Variants in TMPRSS15 observed in about 807,000 individuals in gnomAD.
The protein encoded by TMPRSS15 is transmembrane serine protease 15, also known as enteropeptidase.
TMPRSS15 carries 128 observed loss-of-function variants against 125.3 expected under a neutral mutation model. That is an observed-to-expected ratio of 1.02 (90% CI 0.89 to 1.18). TMPRSS15 has a LOEUF of 1.18. Ranked by LOEUF, TMPRSS15 falls within the 50% of genes most tolerant of loss-of-function variation. The pLI, the probability that TMPRSS15 is intolerant of heterozygous loss-of-function variation, is 0.00. For synonymous variants in TMPRSS15, 446 were observed against 423.2 expected (o/e 1.05, Z -0.66); for missense variants, 1,283 against 1,212.7 (o/e 1.06, Z -0.86).
At chr21:18,396,277 G>C (rs969484196) in intron 3 of TMPRSS15, among the ~76,000 whole-genome samples, 9 of 152,108 alleles carry the variant, frequency 5.9e-5, no homozygotes, top group Admixed American at 2.0e-4. Context: ...GTTATATTCT[G>C]TGGGCTCTGC....
At chr21:18,482,625 T>C (rs750655225) in intron 1 of TMPRSS15, among the ~76,000 whole-genome samples, 43 of 151,514 alleles carry the variant, frequency 2.8e-4, no homozygotes, top group Non-Finnish European at 5.8e-4. Flanking sequence ...TTCCTTCAAT[T>C]TTTTTTGTAA....
Position 18,344,080 on chromosome 21 carries a change from A to T in TMPRSS15, c.1172-20T>A. Reference sequence around the variant, plus strand: ...AAAATCCTGTAAAAATATCAAAAAAAATTTATTTCACTTAAATATTGCATT... The same window carrying T: ...AAAATCCTGTAAAAATATCAAAAAATATTTATTTCACTTAAATATTGCATT... On this transcript the variant is annotated intron_variant, in intron 10 of 24. Coordinates refer to ENST00000284885, the MANE Select transcript of TMPRSS15 (RefSeq NM_002772.3). 6.3e-7 allele frequency: 1 copy of T among 1,590,146 alleles called. No homozygotes were observed. The highest frequency in any genetic ancestry group is 8.6e-7 in the Non-Finnish European group (1 of 1,159,572).
Position 18,343,640 on chromosome 21 carries a change from C to T in TMPRSS15, c.1294G>A (p.Glu432Lys), listed in dbSNP as rs898893322. ...TTAATGCTTAATTTATGGACATTTT[C>T]ACCATACATATGATACCTAGTTTGG... ...CLSFWYHMYG[E>K]NVHKLSINIS... The change falls in exon 12 of 25, where the codon GAA becomes AAA. Residue 432 changes from glutamate (E) to lysine (K), a missense_variant. By Grantham distance (56) the Glu-to-Lys change is moderately conservative. Coordinates refer to ENST00000284885, the MANE Select transcript of TMPRSS15 (RefSeq NM_002772.3). 3 of 1,613,492 alleles carry T rather than the reference C, an allele frequency of 1.9e-6. No homozygotes were observed. Among genetic ancestry groups the T allele is most frequent in the Admixed American group, 1.7e-5 (1 of 59,998 alleles).
chr21:18,302,248 T>C (rs2074980648), intron 18 of TMPRSS15, among the ~76,000 whole-genome samples: 1 of 152,216 alleles, frequency 6.6e-6, no homozygotes, highest in African/African-American at 2.4e-5. Context: ...GAAAAGGCTT[T>C]TGGAGAAGGA....
intron 1 of TMPRSS15, among the ~76,000 whole-genome samples, chr21:18,463,594 C>G (rs1309032659): frequency 2.0e-5 from 3 of 152,062 alleles, no homozygotes; most frequent in Non-Finnish European, 4.4e-5. Context: ...CAGGACCTAG[C>G]AGACCTAATA....
chr21:18,408,941 G>T (rs149317550), intron 1 of TMPRSS15, among the ~76,000 whole-genome samples: 1 of 151,890 alleles, frequency 6.6e-6, no homozygotes, highest in South Asian at 2.1e-4. Context: ...TAGTTGTAAC[G>T]ATCAATTCAA....
intron 1 of TMPRSS15, among the ~76,000 whole-genome samples, chr21:18,426,803 GT>G (rs1409585445): frequency 2.0e-5 from 3 of 152,108 alleles, no homozygotes; most frequent in African/African-American, 7.2e-5. Flanking sequence ...TTGCCAAACG[GT>G]TTGTCAATTA....
In TMPRSS15 at chr21:18,312,984, G is replaced by A. The variant is rs2146936035; in HGVS notation, c.2126C>T (p.Thr709Ile). ...WHTACAENWT[T>I]QISNDVCQLL... ...TTGACAAACATCATTTGAAATCTGGGTGGTCCAGTTCTCAGCACAAGCTGT... is the reference window on the plus strand; with the variant it reads ...TTGACAAACATCATTTGAAATCTGGATGGTCCAGTTCTCAGCACAAGCTGT... Residue 709 changes from threonine to isoleucine, a missense_variant, in exon 18 of 25, where the codon ACC (threonine) becomes ATC (isoleucine). Transcript: ENST00000284885. The A allele has an allele frequency of 1.2e-6, 2 of 1,613,866 alleles. No homozygotes were observed. Among genetic ancestry groups the A allele is most frequent in the Non-Finnish European group, 1.7e-6 (2 of 1,179,874 alleles).
At chr21:18,275,748 T>C (rs2074612193) in intron 23 of TMPRSS15, among the ~76,000 whole-genome samples, 1 of 152,180 alleles carries the variant, frequency 6.6e-6, no homozygotes, top group African/African-American at 2.4e-5. Context: ...CGCTTCTGTA[T>C]AATAGCATTC....
At chr21:18,416,460 G>C (rs1175028764) in intron 1 of TMPRSS15, among the ~76,000 whole-genome samples, 1 of 151,868 alleles carries the variant, frequency 6.6e-6, no homozygotes, top group African/African-American at 2.4e-5. Context: ...TATATCTTTT[G>C]AACAGTAGAA....
At chr21:18,408,559 C>T (rs1441507087), upstream of TMPRSS15, among the ~76,000 whole-genome samples, 1 of 152,072 alleles carries the variant, frequency 6.6e-6, no homozygotes, top group Non-Finnish European at 1.5e-5. Context: ...TACACATTTG[C>T]TTTTCTCCAA....
intron 16 of TMPRSS15, among the ~76,000 whole-genome samples, chr21:18,323,002 AATT>A (rs2075254586): frequency 1.3e-5 from 2 of 152,232 alleles, no homozygotes; most frequent in Admixed American, 6.5e-5. Context: ...AAACATGTGT[AATT>A]ATTATGAGTC....
chr21:18,467,801 G>A (rs2040885108), intron 1 of TMPRSS15, among the ~76,000 whole-genome samples: 1 of 152,090 alleles, frequency 6.6e-6, no homozygotes, highest in South Asian at 2.1e-4. Context: ...TTATAATATT[G>A]TCCTATGGAT....
At chr21:18,440,845 A>G (rs558789235) in intron 1 of TMPRSS15, among the ~76,000 whole-genome samples, 28 of 152,314 alleles carry the variant, frequency 1.8e-4, no homozygotes, top group African/African-American at 6.5e-4. Context: ...AATTAGTGTA[A>G]TATAGTGATT....
At chr21:18,270,205 TTAAAAAATAAA>T in intron 24 of TMPRSS15, 81 bp from the exon 25 acceptor site, 1 of 1,228,776 alleles carries the variant, frequency 8.1e-7, no homozygotes, top group East Asian at 2.6e-5. Context: ...ATCAAATAAA[TTAAAAAATAAA>T]AATTAATTAA....
At chr21:18,383,553 C>G in intron 4 of TMPRSS15, 74 bp downstream of exon 4, 7 of 1,537,132 alleles carry the variant, frequency 4.6e-6, no homozygotes, top group Non-Finnish European at 6.2e-6. Context: ...ATTCCACTTC[C>G]TCCCTGGTAT....
chr21:18,387,912 G>C (rs1426315908), intron 3 of TMPRSS15, among the ~76,000 whole-genome samples: 1 of 152,024 alleles, frequency 6.6e-6, no homozygotes, highest in Admixed American at 6.6e-5. Flanking sequence ...TTATCAATTG[G>C]ATTTTTAAAT....
chr21:18,471,441 T>C (rs1472125404), intron 1 of TMPRSS15, among the ~76,000 whole-genome samples: 2 of 150,942 alleles, frequency 1.3e-5, no homozygotes, highest in East Asian at 4.0e-4. Flanking sequence ...TTGTAATTCC[T>C]GGAGGGATTG....
chr21:18,396,017 A>C (rs576414930), intron 3 of TMPRSS15, among the ~76,000 whole-genome samples: 43 of 152,282 alleles, frequency 2.8e-4, no homozygotes, highest in African/African-American at 1.0e-3. Flanking sequence ...GCTGCTTAAA[A>C]ACTAAGACTT....
Sources: allele counts gnomAD v4.1 joint callset (sites outside exome capture counted in the v4.1 genomes callset), GRCh38; gene constraint gnomAD v4.1.1; transcripts MANE v1.5; gene names NCBI Gene and HGNC (gene_info 2026-07-23, HGNC 2026-07-21).